LRRTM4: variants seen among roughly 807,000 people sequenced by gnomAD.
The protein encoded by LRRTM4 is leucine rich repeat transmembrane neuronal 4.
Under a neutral mutation model 47.6 loss-of-function variants are expected in LRRTM4, and 25 were observed. The observed-to-expected ratio is 0.53, with a 90% CI of 0.38 to 0.73. LRRTM4 has a LOEUF of 0.73. LRRTM4 is among the 30% of genes least tolerant of loss of function. The pLI is 0.00. For missense variants in LRRTM4, 638 were observed against 713.4 expected (o/e 0.89, Z 1.20); for synonymous variants, 311 against 269.5 (o/e 1.15, Z -1.51).
chr2:77,286,294 C>T (rs1468087363), intron 3 of LRRTM4, among the ~76,000 whole-genome samples: 1 of 151,818 alleles, frequency 6.6e-6, no homozygotes. Context: ...TGAAAATATG[C>T]TTTTAAACAC....
chr2:77,430,291 A>G (rs533507325), intron 3 of LRRTM4, among the ~76,000 whole-genome samples: 117 of 152,334 alleles, frequency 7.7e-4, no homozygotes, highest in Non-Finnish European at 1.5e-3. Context: ...CAATTAAAAA[A>G]TGGTCTTATA....
chr2:76,806,668 AAAGT>A (rs1198756588), intron 3 of LRRTM4, among the ~76,000 whole-genome samples: 9 of 152,160 alleles, frequency 5.9e-5, no homozygotes, highest in Non-Finnish European at 1.0e-4. Context: ...AATATATTAC[AAAGT>A]AATACTGAAA....
intron 3 of LRRTM4, among the ~76,000 whole-genome samples, chr2:77,392,044 T>A (rs1017260794): frequency 3.3e-5 from 5 of 152,020 alleles, no homozygotes. Flanking sequence ...CTTTAGAGAA[T>A]CTCCTTCCCT....
At chr2:77,074,868 T>C (rs1006636689) in intron 3 of LRRTM4, among the ~76,000 whole-genome samples, 1 of 152,088 alleles carries the variant, frequency 6.6e-6, no homozygotes, top group African/African-American at 2.4e-5. Flanking sequence ...AGTTATGGTT[T>C]AAAGGAAAAC....
At chr2:77,109,432 A>C (rs1333549986) in intron 3 of LRRTM4, among the ~76,000 whole-genome samples, 3 of 152,230 alleles carry the variant, frequency 2.0e-5, no homozygotes, top group Non-Finnish European at 4.4e-5. Context: ...GTTTCTCTGA[A>C]GAGCTAACAA....
chr2:77,481,880 C>CTTT (rs57122011), intron 3 of LRRTM4, among the ~76,000 whole-genome samples: 1 of 144,194 alleles, frequency 6.9e-6, no homozygotes, highest in Admixed American at 6.9e-5. Context: ...TTTTTTTTTT[C>CTTT]TTTTTTTTTT....
rs76327576 is a variant in LRRTM4, at chr2:77,519,713, G to A, written c.156C>T (p.Phe52=). 7 of 1,613,336 alleles carry A rather than the reference G, an allele frequency of 4.3e-6. No individual in the cohort carries two copies. The highest frequency in any genetic ancestry group is 1.7e-5 in the Admixed American group (1 of 59,902). Residue 52 remains phenylalanine, a synonymous_variant, in exon 3 of 4, where the codon TTC becomes TTT. Coordinates refer to ENST00000409884, the MANE Select transcript of LRRTM4 (RefSeq NM_001134745.3). This position sits in a 1 kb window ranked among gnomAD's most constrained non-coding sequence, Gnocchi z 4.6. ...GKIVYCESHA[F]ADIPENISGG... Reference sequence around the variant, plus strand: ...CAGAAATGTTCTCAGGGATATCTGCGAAAGCATGAGACTCACAGTACACAA... The same window carrying A: ...CAGAAATGTTCTCAGGGATATCTGCAAAAGCATGAGACTCACAGTACACAA...
intron 3 of LRRTM4, among the ~76,000 whole-genome samples, chr2:77,439,799 A>G (rs913739557): frequency 2.6e-5 from 4 of 152,154 alleles, no homozygotes; most frequent in Non-Finnish European, 5.9e-5. Flanking sequence ...TTTTTCATAA[A>G]TTATCCCATT....
chr2:77,439,021 C>G (rs1386183441), intron 3 of LRRTM4, among the ~76,000 whole-genome samples: 1 of 152,090 alleles, frequency 6.6e-6, no homozygotes, highest in Non-Finnish European at 1.5e-5. Flanking sequence ...ACAAGTTATT[C>G]AAGTCAAAGA....
chr2:77,119,950 C>T (rs943683681), intron 3 of LRRTM4, among the ~76,000 whole-genome samples: 5 of 151,716 alleles, frequency 3.3e-5, no homozygotes, highest in African/African-American at 4.8e-5. Context: ...TAACACATAA[C>T]CCTCTGAGTC....
In LRRTM4 at chr2:76,913,543, A is replaced by AT. The variant is rs58615415; in HGVS notation, c.1552-164628dup. Among the ~76,000 whole-genome samples the AT allele has an allele frequency of 2.9e-3, 351 of 121,382 alleles. 8 individuals carry two copies. Among genetic ancestry groups the AT allele is most frequent in the Middle Eastern group, 0.01 (2 of 196 alleles). The allele number at this position is 121,382 out of a possible 152,430, so 79.6% of individuals were successfully genotyped here. On this transcript the variant is annotated intron_variant, in intron 3 of 3. Coordinates refer to ENST00000409884, the MANE Select transcript of LRRTM4 (RefSeq NM_001134745.3). ...CCAAATATTTAGAGATCCTATTTCA[A>AT]TTTTTTTTTTTTTTGAGACAGAGTC... is the stretch of plus-strand genomic sequence containing the variant.
chr2:76,921,726 T>A (rs1272192198), intron 3 of LRRTM4, among the ~76,000 whole-genome samples: 1 of 152,134 alleles, frequency 6.6e-6, no homozygotes, highest in African/African-American at 2.4e-5. Context: ...CTATATCCCT[T>A]TAATATTTCC....
At chr2:76,776,353 A>T (rs1439698989) in intron 3 of LRRTM4, among the ~76,000 whole-genome samples, 1 of 152,130 alleles carries the variant, frequency 6.6e-6, no homozygotes, top group Non-Finnish European at 1.5e-5. Context: ...ACAATGGTTG[A>T]ACTAGTTTAC....
chr2:76,835,072 AT>A (rs1173796410), intron 3 of LRRTM4, among the ~76,000 whole-genome samples: 1 of 152,112 alleles, frequency 6.6e-6, no homozygotes, highest in Non-Finnish European at 1.5e-5. Context: ...TGAAAGAATC[AT>A]TCTTTTGTTT....
At chr2:77,171,520 ACCCGCCTCGG>A (rs993068733) in intron 3 of LRRTM4, among the ~76,000 whole-genome samples, 2 of 151,578 alleles carry the variant, frequency 1.3e-5, no homozygotes, top group Non-Finnish European at 2.9e-5. Flanking sequence ...CAAGTGATCC[ACCCGCCTCGG>A]CCTCCCAAAG....
intron 3 of LRRTM4, among the ~76,000 whole-genome samples, chr2:76,949,965 G>C (rs905148960): frequency 6.6e-6 from 1 of 151,856 alleles, no homozygotes; most frequent in South Asian, 2.1e-4. Flanking sequence ...AGATAAGATA[G>C]AAGACAAAAT....
chr2:77,425,698 G>T (rs541496434), intron 3 of LRRTM4, among the ~76,000 whole-genome samples: 1 of 152,154 alleles, frequency 6.6e-6, no homozygotes, highest in African/African-American at 2.4e-5. Flanking sequence ...TATATCCACT[G>T]CCTCCTTGAC....
intron 3 of LRRTM4, among the ~76,000 whole-genome samples, chr2:77,148,956 C>G (rs1479017710): frequency 6.6e-6 from 1 of 152,122 alleles, no homozygotes; most frequent in Non-Finnish European, 1.5e-5. Flanking sequence ...TAAAATCCTC[C>G]TAAAAATAAC....
intron 3 of LRRTM4, among the ~76,000 whole-genome samples, chr2:77,039,533 A>C (rs754296349): frequency 4.6e-5 from 7 of 151,318 alleles, no homozygotes; most frequent in Non-Finnish European, 8.9e-5. Flanking sequence ...GCAATTTTAA[A>C]GTTAAGTGAT....
Sources: allele counts gnomAD v4.1 joint callset (sites outside exome capture counted in the v4.1 genomes callset), GRCh38; gene constraint gnomAD v4.1.1; non-coding constraint Gnocchi (gnomAD v3.1); transcripts MANE v1.5; gene names NCBI Gene and HGNC (gene_info 2026-07-23, HGNC 2026-07-21).